CNKSR3: variants seen among roughly 807,000 people sequenced by gnomAD.
CNKSR3 encodes connector enhancer of kinase suppressor of ras 3.
In CNKSR3, 36 loss-of-function variants were observed where a neutral mutation model predicts 67.7. The ratio of observed to expected loss-of-function variants is 0.53; its 90% confidence interval spans 0.41 to 0.70. The LOEUF is 0.70. Ranked by LOEUF, CNKSR3 falls within the 30% of genes least tolerant of loss-of-function variation. The pLI, the probability that CNKSR3 is intolerant of heterozygous loss-of-function variation, is 0.00. For missense variants in CNKSR3, 630 were observed against 695.2 expected (o/e 0.91, Z 1.05); for synonymous variants, 281 against 271.4 (o/e 1.04, Z -0.35).
At chr6:154,493,565 G>A (rs1442646294) in intron 1 of CNKSR3, among the ~76,000 whole-genome samples, 2 of 152,130 alleles carry the variant, frequency 1.3e-5, no homozygotes, top group East Asian at 3.8e-4. Context: ...ATGGGTGAGG[G>A]GAGTTGGAGT....
At chr6:154,441,419 G>A in intron 3 of CNKSR3, 40 bp from the exon 4 acceptor site, 1 of 1,411,000 alleles carries the variant, frequency 7.1e-7, no homozygotes, top group Non-Finnish European at 1.0e-6. Context: ...GGGGTAGGGA[G>A]AATCCACGGG....
At chr6:154,491,684 A>T (rs531415024) in intron 1 of CNKSR3, among the ~76,000 whole-genome samples, 1 of 152,232 alleles carries the variant, frequency 6.6e-6, no homozygotes. Flanking sequence ...GTGAAAAAAA[A>T]AAATGAAGAG....
At position 154,474,412 on chromosome 6, in the gene CNKSR3, C is replaced by CA. The variant is rs36085826; in HGVS notation, c.53-24155dup. ...CGGGTGACAAAGCAAGACTCCGTCT[C>CA]AAAAAAAAAAAAGTGGGGGGGGGCA... On this transcript the variant is annotated intron_variant, in intron 1 of 12. Transcript: ENST00000607772. 5.0e-4 allele frequency among the ~76,000 whole-genome samples: 64 copies of CA among 128,198 alleles called. 1 individual carries two copies. The highest frequency in any genetic ancestry group is 6.7e-4 in the Non-Finnish European group (38 of 56,884). The allele number at this position is 128,198 out of a possible 152,430, so 84.1% of individuals were successfully genotyped here. A position where few individuals can be genotyped will look rare whatever the true frequency, so the allele number is the denominator to read the frequency against.
At chr6:154,409,825 C>CT (rs1456411777) in intron 12 of CNKSR3, among the ~76,000 whole-genome samples, 4 of 150,082 alleles carry the variant, frequency 2.7e-5, no homozygotes, top group Non-Finnish European at 4.4e-5. Flanking sequence ...AGGAAGACCA[C>CT]TTACAGCTAG....
At chr6:154,413,139 T>TACACACAC (rs60788837) in intron 10 of CNKSR3, among the ~76,000 whole-genome samples, 2,048 of 145,092 alleles carry the variant, frequency 0.014, 31 homozygotes, top group African/African-American at 0.038. Flanking sequence ...GAATTTATGG[T>TACACACAC]ACACACACAC....
At chr6:154,490,397 GTATC>G in intron 1 of CNKSR3, among the ~76,000 whole-genome samples, 1 of 152,214 alleles carries the variant, frequency 6.6e-6, no homozygotes, top group Non-Finnish European at 1.5e-5. Flanking sequence ...TTATATGTAT[GTATC>G]TAAGTATATA....
At chr6:154,472,802 G>GAA (rs36058734) in intron 1 of CNKSR3, among the ~76,000 whole-genome samples, 5 of 139,998 alleles carry the variant, frequency 3.6e-5, no homozygotes, top group African/African-American at 1.0e-4. Flanking sequence ...TCTTTAAAAG[G>GAA]AAAAAAAAAA....
intron 1 of CNKSR3, among the ~76,000 whole-genome samples, chr6:154,492,301 T>C (rs755330451): frequency 5.3e-5 from 8 of 152,038 alleles, no homozygotes; most frequent in Non-Finnish European, 1.2e-4. Flanking sequence ...CTAGATTCCT[T>C]TCCTTGTCTC....
In CNKSR3 at chr6:154,399,208, C is replaced by T. The variant is rs1281293494; in HGVS notation, c.*7146G>A. The T allele has an allele frequency of 2.6e-5, 4 of 152,266 alleles. No individual in the cohort carries two copies. In the South Asian group the frequency reaches 6.2e-4, roughly 24 times the overall value. 9.4% of individuals were successfully genotyped at this position (152,266 alleles called of 1,614,324 possible). On this transcript the variant is annotated 3_prime_UTR_variant, in exon 13 of 13. Transcript: ENST00000607772. ...CTCTAGGCCACTGACCACACTGCAG[C>T]CCTCTGACAGTGTCACACTGGCATT...
In CNKSR3 at chr6:154,422,599, T is replaced by G. The variant is rs763674094; in HGVS notation, c.852A>C (p.Gly284=). 1.9e-6 allele frequency: 3 copies of G among 1,613,698 alleles called. No homozygotes were observed. Among genetic ancestry groups the G allele is most frequent in the African/African-American group, 2.7e-5 (2 of 74,904 alleles). ...GGCGCTTCTTAAGCAGTAACACAAC[T>G]CCGGTGGGATTCTCTCTCAATTTCT... ...LVKKLRENPT[G]VVLLLKKRPT... is the part of the protein sequence containing the mutation. Residue 284 remains glycine, a synonymous_variant, in exon 9 of 13, where the codon GGA becomes GGC. Transcript: ENST00000607772.
At position 154,499,530 on chromosome 6, in the gene CNKSR3, G is replaced by C. The variant is rs192529471; in HGVS notation, c.52+10533C>G. On this transcript the variant is annotated intron_variant, in intron 1 of 12. Coordinates refer to ENST00000607772, the MANE Select transcript of CNKSR3 (RefSeq NM_173515.4). ...AACAATGGTGACAGGATGTTGAGACGCCCCGCATGTATGTGCCTGGGAAAC... is the reference window on the plus strand; with the variant it reads ...AACAATGGTGACAGGATGTTGAGACCCCCCGCATGTATGTGCCTGGGAAAC... Among the ~76,000 whole-genome samples the C allele has an allele frequency of 1.8e-4, 27 of 152,306 alleles. No individual in the cohort carries two copies. In the East Asian group the frequency reaches 5.2e-3, roughly 29 times the overall value.
At chr6:154,415,248 T>TTTTA (rs1397659584) in intron 9 of CNKSR3, among the ~76,000 whole-genome samples, 7 of 140,100 alleles carry the variant, frequency 5.0e-5, no homozygotes, top group Non-Finnish European at 1.1e-4. Flanking sequence ...TTTTTTTTTT[T>TTTTA]AAGATGGAGT....
chr6:154,467,479 C>A (rs1365193660), intron 1 of CNKSR3, among the ~76,000 whole-genome samples: 1 of 152,122 alleles, frequency 6.6e-6, no homozygotes, highest in Non-Finnish European at 1.5e-5. Flanking sequence ...CTGAAGAGCA[C>A]CAACAACTGG....
At chr6:154,424,605 C>T (rs982464471) in intron 7 of CNKSR3, among the ~76,000 whole-genome samples, 12 of 152,160 alleles carry the variant, frequency 7.9e-5, no homozygotes, top group African/African-American at 2.9e-4. Context: ...ACAAGCAGCC[C>T]TAAACTGTAG....
chr6:154,465,303 G>A (rs371830042), intron 1 of CNKSR3, among the ~76,000 whole-genome samples: 1 of 151,622 alleles, frequency 6.6e-6, no homozygotes, highest in South Asian at 2.1e-4. Flanking sequence ...TGGTTAAGAA[G>A]AACTCAAATT....
intron 4 of CNKSR3, 122 bp from the exon 5 acceptor site, chr6:154,433,629 T>C: frequency 1.4e-6 from 1 of 704,342 alleles, no homozygotes; most frequent in Non-Finnish European, 2.5e-6. Context: ...CCCGTCAGCC[T>C]GCACAGTCCT....
intron 1 of CNKSR3, among the ~76,000 whole-genome samples, chr6:154,462,275 C>G (rs1045160527): frequency 1.4e-5 from 2 of 144,588 alleles, no homozygotes; most frequent in Non-Finnish European, 1.5e-5. Context: ...AAGTTCCCCC[C>G]ACCCTGTCAG....
At chr6:154,467,907 C>T (rs1274856897) in intron 1 of CNKSR3, among the ~76,000 whole-genome samples, 1 of 151,366 alleles carries the variant, frequency 6.6e-6, no homozygotes, top group Non-Finnish European at 1.5e-5. Flanking sequence ...TTACAGGTGC[C>T]CACTACCACG....
Position 154,400,255 on chromosome 6 carries a change from T to G in CNKSR3, c.*6099A>C, listed in dbSNP as rs1398743672. The stretch of plus-strand genomic sequence containing the variant: ...GCAGTGACTCCAATGGTCAGTGACA[T>G]GCAGGAGGAAACGCAGGATTAGGAC... On this transcript the variant is annotated 3_prime_UTR_variant, in exon 13 of 13. Transcript: ENST00000607772. 1 of 152,224 alleles carries G rather than the reference T, an allele frequency of 6.6e-6. No individual in the cohort carries two copies. Among genetic ancestry groups the G allele is most frequent in the Non-Finnish European group, 1.5e-5 (1 of 68,062 alleles). 9.4% of individuals were successfully genotyped at this position (152,224 alleles called of 1,614,324 possible). A position where few individuals can be genotyped will look rare whatever the true frequency, so the allele number is the denominator to read the frequency against.
Sources: gnomAD v4.1 joint callset for allele counts (sites outside exome capture counted in the v4.1 genomes callset) on GRCh38, gnomAD v4.1.1 for gene constraint, MANE v1.5 for transcripts, NCBI Gene and HGNC (gene_info 2026-07-23, HGNC 2026-07-21) for gene names.